TMEM131: variants seen among roughly 807,000 people sequenced by gnomAD.
The protein encoded by TMEM131 is transmembrane protein 131.
Under a neutral mutation model 211.6 loss-of-function variants are expected in TMEM131, and 66 were observed. The ratio of observed to expected loss-of-function variants is 0.31; its 90% confidence interval spans 0.26 to 0.38. The LOEUF (loss-of-function observed/expected upper bound fraction) is 0.38, where lower values mean the gene tolerates loss of function less well. Ranked by LOEUF, TMEM131 falls within the 10% of genes least tolerant of loss-of-function variation. TMEM131 has a pLI of 1.00. For synonymous variants in TMEM131, 844 were observed against 841.3 expected, an observed-to-expected ratio of 1.00 and a Z score of -0.06; for missense variants, 2,036 against 2,299.3, an observed-to-expected ratio of 0.89 and a Z score of 2.34.
At chr2:97,924,307 C>T (rs559399931) in intron 2 of TMEM131, among the ~76,000 whole-genome samples, 3 of 152,216 alleles carry the variant, frequency 2.0e-5, no homozygotes, top group South Asian at 2.1e-4. Context: ...CACTTGGGCC[C>T]GGGAGGTCAA....
intron 36 of TMEM131, chr2:97,761,179 G>C (rs1021804926): frequency 2.8e-6 from 1 of 361,348 alleles, no homozygotes; most frequent in Non-Finnish European, 5.1e-6. Context: ...GACTGGCAGA[G>C]GCTTCGATCA....
intron 3 of TMEM131, among the ~76,000 whole-genome samples, chr2:97,896,202 G>C (rs886099862): frequency 2.0e-5 from 3 of 152,070 alleles, no homozygotes; most frequent in Non-Finnish European, 4.4e-5. Context: ...TCCTGAGTTC[G>C]AATTTGATTG....
rs1312588152 is a variant in TMEM131 at position 97,863,142 on chromosome 2, G to C, written c.360-3715C>G. Reference sequence around the variant, plus strand: ...ACCCCCACACTTTTACCCTAGAATAGTATATCTGGCAAAAATATCCTTTCC... The same window carrying C: ...ACCCCCACACTTTTACCCTAGAATACTATATCTGGCAAAAATATCCTTTCC... On this transcript the variant is annotated intron_variant, in intron 4 of 40. Coordinates refer to ENST00000186436, the MANE Select transcript of TMEM131 (RefSeq NM_015348.2). 2.0e-5 allele frequency among the ~76,000 whole-genome samples: 3 copies of C among 152,088 alleles called. No individual in the cohort carries two copies. In the East Asian group the frequency reaches 5.8e-4, roughly 29 times the overall value.
chr2:97,962,712 T>C (rs181274532), intron 1 of TMEM131, among the ~76,000 whole-genome samples: 102 of 152,268 alleles, frequency 6.7e-4, no homozygotes, highest in African/African-American at 3.6e-4. Context: ...AAAATATTTG[T>C]CCACAAAAAA....
At chr2:97,906,073 G>T (rs58161649) in intron 3 of TMEM131, among the ~76,000 whole-genome samples, 4,333 of 152,284 alleles carry the variant, frequency 0.028, 209 homozygotes, top group African/African-American at 0.098. Context: ...GGGTTTAGTT[G>T]TAAGGGGTAT....
At chr2:97,780,896 T>C (rs1679965424) in intron 31 of TMEM131, among the ~76,000 whole-genome samples, 1 of 152,040 alleles carries the variant, frequency 6.6e-6, no homozygotes, top group Non-Finnish European at 1.5e-5. Context: ...AGTGACCAAG[T>C]GAGAAATATG....
chr2:97,809,658 A>G (rs1327582159), intron 19 of TMEM131, 30 bp downstream of exon 19: 2 of 1,553,038 alleles, frequency 1.3e-6, no homozygotes, highest in Non-Finnish European at 1.8e-6. Flanking sequence ...AAAACGAGCA[A>G]TAGAAAAATG....
intron 2 of TMEM131, among the ~76,000 whole-genome samples, chr2:97,922,538 G>A (rs893752664): frequency 6.6e-6 from 1 of 151,964 alleles, no homozygotes; most frequent in Admixed American, 6.5e-5. Context: ...ATTCAGCAAT[G>A]AAACTGAAGT....
At chr2:97,771,512 C>A (rs1559348679) in intron 33 of TMEM131, among the ~76,000 whole-genome samples, 2 of 152,166 alleles carry the variant, frequency 1.3e-5, no homozygotes, top group African/African-American at 4.8e-5. Flanking sequence ...AAATTTACAC[C>A]TAATTTATTC....
chr2:97,994,029 A>G (rs1264936861), intron 1 of TMEM131, among the ~76,000 whole-genome samples: 3 of 152,246 alleles, frequency 2.0e-5, no homozygotes, highest in Non-Finnish European at 2.9e-5. Flanking sequence ...GTGCAAGGTA[A>G]GCAAAGGAAC....
intron 1 of TMEM131, among the ~76,000 whole-genome samples, chr2:97,952,410 T>A (rs1678367137): frequency 6.6e-6 from 1 of 151,872 alleles, no homozygotes; most frequent in African/African-American, 2.4e-5. Context: ...TCAAGACACA[T>A]CACAAACTTC....
At chr2:97,933,794 A>G (rs181521320) in intron 1 of TMEM131, among the ~76,000 whole-genome samples, 1 of 152,294 alleles carries the variant, frequency 6.6e-6, no homozygotes, top group Admixed American at 6.5e-5. Context: ...CTAAAGAGGA[A>G]AAACACATGA....
At chr2:97,985,683 GA>G (rs1190825207) in intron 1 of TMEM131, among the ~76,000 whole-genome samples, 62 of 146,396 alleles carry the variant, frequency 4.2e-4, no homozygotes, top group Middle Eastern at 3.5e-3. Flanking sequence ...ATATACATGA[GA>G]AAAAAAAATA....
At chr2:97,787,017 C>CT (rs1287939354) in intron 31 of TMEM131, among the ~76,000 whole-genome samples, 5 of 152,170 alleles carry the variant, frequency 3.3e-5, no homozygotes, top group African/African-American at 1.2e-4. Flanking sequence ...TAACAACTAA[C>CT]TTTATTCGAG....
chr2:97,762,058 G>A lies in TMEM131; in HGVS notation c.4866C>T (p.Ser1622=), dbSNP rs1285701840. The A allele has an allele frequency of 1.1e-5, 18 of 1,582,682 alleles. No homozygotes were observed. Among genetic ancestry groups the A allele is most frequent in the South Asian group, 2.3e-5 (2 of 85,980 alleles). ...CPFVARGSYS[S]IVNSSSSSDP... Reference sequence around the variant, plus strand: ...ACCTGCTGGAGCTGCTGTTGACGATGCTGCTGTAGCTGCCCCGGGCCACAA... The same window carrying A: ...ACCTGCTGGAGCTGCTGTTGACGATACTGCTGTAGCTGCCCCGGGCCACAA... Residue 1622 remains serine (S), a synonymous_variant, in exon 36 of 41, where the codon AGC becomes AGT. Transcript: ENST00000186436.
At chr2:97,927,769 A>G (rs1405258511) in intron 1 of TMEM131, among the ~76,000 whole-genome samples, 1 of 152,220 alleles carries the variant, frequency 6.6e-6, no homozygotes, top group Non-Finnish European at 1.5e-5. Flanking sequence ...AAAATAGTCA[A>G]ATTCAACAAG....
At chr2:97,895,290 T>G (rs111290915) in intron 3 of TMEM131, among the ~76,000 whole-genome samples, 1 of 152,236 alleles carries the variant, frequency 6.6e-6, no homozygotes, top group African/African-American at 2.4e-5. Flanking sequence ...TATTGAGGCT[T>G]CTCGCATCGA....
rs1415398569 is a variant in TMEM131 at position 97,759,655 on chromosome 2, C to T, written c.5203G>A (p.Gly1735Ser). ...ACATCTAGTGTTAAACACTCACCACCAGTTAGATTAAAAGAGTTTCCAAAG... is the reference window on the plus strand; with the variant it reads ...ACATCTAGTGTTAAACACTCACCACTAGTTAGATTAAAAGAGTTTCCAAAG... ...SAFGNSFNLTGEVFSKLGLSR... is the reference protein window; with the variant it reads ...SAFGNSFNLTSEVFSKLGLSR... Residue 1735 changes from glycine to serine, a missense_variant, in exon 39 of 41, where the codon GGT (glycine) becomes AGT (serine). Gly to Ser is a moderately conservative substitution (Grantham distance 56). Coordinates refer to ENST00000186436, the MANE Select transcript of TMEM131 (RefSeq NM_015348.2). 1.2e-6 allele frequency: 2 copies of T among 1,611,694 alleles called. No homozygotes were observed. The highest frequency in any genetic ancestry group is 1.7e-5 in the Admixed American group (1 of 59,838).
chr2:97,954,878 C>T (rs1391012380), intron 1 of TMEM131, among the ~76,000 whole-genome samples: 1 of 149,266 alleles, frequency 6.7e-6, no homozygotes, highest in African/African-American at 2.5e-5. Context: ...GCCAAAATGG[C>T]TTTACTGGAA....
Sources: allele counts gnomAD v4.1 joint callset (sites outside exome capture counted in the v4.1 genomes callset), GRCh38; gene constraint gnomAD v4.1.1; transcripts MANE v1.5; gene names NCBI Gene and HGNC (gene_info 2026-07-23, HGNC 2026-07-21).